Variants in TRAPPC9 observed in about 807,000 individuals in gnomAD.
The protein encoded by TRAPPC9 is trafficking protein particle complex subunit 9, also known as IKK2 binding protein.
In TRAPPC9, 83 loss-of-function variants were observed where a neutral mutation model predicts 124.0. That is an observed-to-expected ratio of 0.67 (90% CI 0.56 to 0.80). The LOEUF is 0.80. TRAPPC9 is among the 30% of genes least tolerant of loss of function. TRAPPC9 has a pLI of 0.00. For missense variants in TRAPPC9, 1,302 were observed against 1,508.3 expected (o/e 0.86, Z 2.27); for synonymous variants, 638 against 617.5 (o/e 1.03, Z -0.49).
chr8:140,246,721 A>T (rs991875410), intron 16 of TRAPPC9, among the ~76,000 whole-genome samples: 2 of 150,750 alleles, frequency 1.3e-5, no homozygotes, highest in Admixed American at 6.6e-5. Context: ...GGTGGCTCAC[A>T]CTTGTAATCG....
At chr8:140,148,253 G>A (rs1486650914) in intron 17 of TRAPPC9, among the ~76,000 whole-genome samples, 1 of 152,228 alleles carries the variant, frequency 6.6e-6, no homozygotes, top group Non-Finnish European at 1.5e-5. Flanking sequence ...AAAAAATGAT[G>A]CTCTCGGTCG....
Position 139,729,075 on chromosome 8 carries a change from G to A in TRAPPC9, c.*1986C>T, listed in dbSNP as rs1057339278. Among the ~76,000 whole-genome samples, 1 of 152,136 alleles carries A rather than the reference G, an allele frequency of 6.6e-6. No individual in the cohort carries two copies. Among genetic ancestry groups the A allele is most frequent in the Non-Finnish European group, 1.5e-5 (1 of 68,034 alleles). On this transcript the variant is annotated 3_prime_UTR_variant, in exon 23 of 23. Transcript: ENST00000438773. ...CTGTATCTTGATCTATTGTGCTTTT[G>A]AAAGGAAAGTACGTACTCAAGTCCC...
chr8:140,185,598 G>A (rs961985745), intron 17 of TRAPPC9, among the ~76,000 whole-genome samples: 1 of 152,158 alleles, frequency 6.6e-6, no homozygotes, highest in Non-Finnish European at 1.5e-5. Flanking sequence ...CGGAGAAGAC[G>A]GAGTTCTGGT....
intron 19 of TRAPPC9, among the ~76,000 whole-genome samples, chr8:139,968,158 A>AG (rs1173374703): frequency 6.6e-6 from 1 of 151,432 alleles, no homozygotes; most frequent in Admixed American, 6.6e-5. Flanking sequence ...CAAAAAAAAA[A>AG]CCAAAAAACA....
chr8:140,275,108 C>G (rs1021181683), intron 15 of TRAPPC9, among the ~76,000 whole-genome samples: 4 of 152,192 alleles, frequency 2.6e-5, no homozygotes, highest in African/African-American at 7.2e-5. Flanking sequence ...CACGACCTCC[C>G]TAGTTCACTC....
chr8:140,447,381 G>A (rs1366774751), intron 2 of TRAPPC9, among the ~76,000 whole-genome samples: 1 of 152,128 alleles, frequency 6.6e-6, no homozygotes, highest in African/African-American at 2.4e-5. Context: ...GCTATGAGAA[G>A]GCAGCACATA....
chr8:140,009,889 G>A (rs551828192), intron 18 of TRAPPC9, among the ~76,000 whole-genome samples: 1 of 152,204 alleles, frequency 6.6e-6, no homozygotes, highest in African/African-American at 2.4e-5. Context: ...CTAGGACAGT[G>A]CTTCGCAGAA....
At chr8:139,757,557 A>G (rs1586780173) in intron 21 of TRAPPC9, among the ~76,000 whole-genome samples, 1 of 151,948 alleles carries the variant, frequency 6.6e-6, no homozygotes, top group Non-Finnish European at 1.5e-5. Flanking sequence ...CGGAGGAGCC[A>G]GGGGGCGTGG....
chr8:139,851,839 C>T (rs777204623), intron 21 of TRAPPC9, among the ~76,000 whole-genome samples: 40 of 152,136 alleles, frequency 2.6e-4, no homozygotes, highest in African/African-American at 3.4e-4. Context: ...ACAGTCTCCC[C>T]GAAGGATCTG....
chr8:139,841,383 G>A (rs1007591241), intron 21 of TRAPPC9, among the ~76,000 whole-genome samples: 6 of 152,334 alleles, frequency 3.9e-5, no homozygotes, highest in East Asian at 3.9e-4. Flanking sequence ...TGCTTGCTCT[G>A]CCTAGCACAT....
chr8:139,969,509 G>A lies in TRAPPC9; in HGVS notation c.2810+19217C>T, dbSNP rs368129622. 1.4e-4 allele frequency among the ~76,000 whole-genome samples: 21 copies of A among 152,338 alleles called. No homozygotes were observed. The East Asian group carries it at 3.3e-3, about 24-fold the overall frequency. On this transcript the variant is annotated intron_variant, in intron 19 of 22. Transcript: ENST00000438773. ...CCTGGCTCAGACACATCCTAGCAGC[G>A]CCACCTGGGGCAAGGGGCTTCACCT... is the stretch of plus-strand genomic sequence containing the variant.
rs1817764626 is a variant in TRAPPC9 at position 139,730,798 on chromosome 8, T to C, written c.*263A>G. ...ACCTGGGCTGGATGGGCACCCGCTT[T>C]GGGATTTCCTCTGCTTCAGCCTGTG... is the stretch of plus-strand genomic sequence containing the variant. On this transcript the variant is annotated 3_prime_UTR_variant, in exon 23 of 23. Coordinates refer to ENST00000438773, the MANE Select transcript of TRAPPC9 (RefSeq NM_001160372.4). The C allele has an allele frequency of 9.7e-6, 5 of 513,272 alleles. No homozygotes were observed. Among genetic ancestry groups the C allele is most frequent in the Non-Finnish European group, 1.8e-5 (5 of 285,600 alleles). 31.8% of individuals were successfully genotyped at this position (513,272 alleles called of 1,614,324 possible).
At chr8:139,755,065 G>C (rs1563787870) in intron 21 of TRAPPC9, among the ~76,000 whole-genome samples, 1 of 152,244 alleles carries the variant, frequency 6.6e-6, no homozygotes, top group Non-Finnish European at 1.5e-5. Context: ...ATGGCCCTCG[G>C]CCAGCCTTGA....
intron 11 of TRAPPC9, among the ~76,000 whole-genome samples, chr8:140,295,182 G>A (rs562943358): frequency 8.5e-5 from 13 of 152,278 alleles, no homozygotes; most frequent in African/African-American, 2.6e-4. Context: ...CCCATGTGGC[G>A]GGAAAGACTC....
chr8:140,445,324 A>G (rs1267537358), intron 2 of TRAPPC9, among the ~76,000 whole-genome samples: 1 of 152,214 alleles, frequency 6.6e-6, no homozygotes, highest in Admixed American at 6.5e-5. Flanking sequence ...ATGTGTGCTG[A>G]GTCACCTCTG....
chr8:139,830,452 C>T (rs763766824), intron 21 of TRAPPC9, among the ~76,000 whole-genome samples: 25 of 151,846 alleles, frequency 1.6e-4, no homozygotes, highest in South Asian at 4.2e-4. Flanking sequence ...TGCACACAAA[C>T]GCTACACACA....
intron 13 of TRAPPC9, among the ~76,000 whole-genome samples, chr8:140,286,511 C>A (rs577613340): frequency 6.6e-6 from 1 of 152,006 alleles, no homozygotes; most frequent in Admixed American, 6.6e-5. Flanking sequence ...TCTGCAAGAC[C>A]GGAAGGGGCA....
In TRAPPC9 at chr8:140,364,475, A is replaced by C. The variant is rs1180116692; in HGVS notation, c.1352-4282T>G. ...AAAAACTTTCTTCTTCCTAAACACT[A>C]CTCCTTCCCAATTAAATTTCTCCAG... On this transcript the variant is annotated intron_variant, in intron 8 of 22. Coordinates refer to ENST00000438773, the MANE Select transcript of TRAPPC9 (RefSeq NM_001160372.4). Among the ~76,000 whole-genome samples, 6 of 151,126 alleles carry C rather than the reference A, an allele frequency of 4.0e-5. No individual in the cohort carries two copies. In the East Asian group the frequency reaches 1.2e-3, roughly 29 times the overall value.
chr8:140,298,518 A>G (rs1321367733), intron 11 of TRAPPC9, among the ~76,000 whole-genome samples: 1 of 152,084 alleles, frequency 6.6e-6, no homozygotes, highest in Non-Finnish European at 1.5e-5. Context: ...TGGGTGTGGT[A>G]GTATGCACCT....
Sources: allele counts gnomAD v4.1 joint callset (sites outside exome capture counted in the v4.1 genomes callset), GRCh38; gene constraint gnomAD v4.1.1; transcripts MANE v1.5; gene names NCBI Gene and HGNC (gene_info 2026-07-23, HGNC 2026-07-21).